The following NCAPD3 variants were observed in gnomAD, a reference collection of about 807,000 sequenced individuals.
The protein encoded by NCAPD3 is condensin-2 complex subunit D3.
Under a neutral mutation model 182.9 loss-of-function variants are expected in NCAPD3, and 105 were observed. The observed-to-expected ratio is 0.57, with a 90% CI of 0.49 to 0.68. The LOEUF (loss-of-function observed/expected upper bound fraction) is 0.68. NCAPD3 is among the 30% of genes least tolerant of loss of function. The pLI is 0.00. For synonymous variants in NCAPD3, 815 were observed against 679.9 expected (o/e 1.20, Z -3.09); for missense variants, 1,944 against 1,837.0 (o/e 1.06, Z -1.07).
intron 1 of NCAPD3, among the ~76,000 whole-genome samples, chr11:134,221,057 G>A (rs1195063222): frequency 1.3e-5 from 2 of 152,158 alleles, no homozygotes; most frequent in African/African-American, 4.8e-5. Flanking sequence ...AAGAAACAGA[G>A]GTTAATCAGA....
At position 134,160,034 on chromosome 11, in the gene NCAPD3, A is replaced by T. The variant is rs2120551699; in HGVS notation, c.3725T>A (p.Phe1242Tyr). 6.2e-7 allele frequency: 1 copy of T among 1,614,158 alleles called. No individual in the cohort carries two copies. The highest frequency in any genetic ancestry group is 1.1e-5 in the South Asian group (1 of 91,084). Residue 1242 changes from phenylalanine to tyrosine, a missense_variant, in exon 29 of 35, where the codon TTT (phenylalanine) becomes TAT (tyrosine). Coordinates refer to ENST00000534548, the MANE Select transcript of NCAPD3 (RefSeq NM_015261.3). ...TGATGCCAGCTGTTTGTCAACTGCA[A>T]AGAAGTCCTTGAGCTCATCTCGGTA... ...QDYRDELKDF[F>Y]AVDKQLASEL...
At chr11:134,167,001 G>A (rs1195167014) in intron 27 of NCAPD3, among the ~76,000 whole-genome samples, 1 of 118,446 alleles carries the variant, frequency 8.4e-6, no homozygotes, top group African/African-American at 3.8e-5. Context: ...GATGAGCTTA[G>A]GGGAGCTGCA....
chr11:134,166,655 ACACT>A (rs1388948023), intron 27 of NCAPD3, among the ~76,000 whole-genome samples: 3 of 79,750 alleles, frequency 3.8e-5, no homozygotes, highest in East Asian at 4.4e-4. Context: ...GGGGAGCAGC[ACACT>A]CACTTGTGAG....
In NCAPD3 at chr11:134,168,972, G is replaced by A. The variant is rs767602750; in HGVS notation, c.3184C>T (p.His1062Tyr). The A allele has an allele frequency of 2.5e-6, 4 of 1,613,930 alleles. No homozygotes were observed. Among genetic ancestry groups the A allele is most frequent in the Non-Finnish European group, 3.4e-6 (4 of 1,179,886 alleles). The change falls in exon 25 of 35, where the codon CAC (histidine) becomes TAC (tyrosine). Residue 1062 changes from histidine (H) to tyrosine (Y), a missense_variant. Coordinates refer to ENST00000534548, the MANE Select transcript of NCAPD3 (RefSeq NM_015261.3). ...TCATGCTTCTCATAGTTATTAAAGT[G>A]AAAAATACATTCAATGAAGTGTTGG... is the stretch of plus-strand genomic sequence containing the variant. The part of the protein sequence containing the change: ...FFQHFIECIF[H>Y]FNNYEKHEKY...
At chr11:134,177,734 TTCGCAGTTA>T in intron 22 of NCAPD3, 1 of 426,270 alleles carries the variant, frequency 2.3e-6, no homozygotes, top group South Asian at 3.5e-5. Context: ...ACATTTGAAT[TTCGCAGTTA>T]TCCCCTTACC....
At chr11:134,156,622 G>A (rs1428280784) in intron 32 of NCAPD3, among the ~76,000 whole-genome samples, 1 of 152,124 alleles carries the variant, frequency 6.6e-6, no homozygotes, top group Admixed American at 6.5e-5. Flanking sequence ...AGCGTGCATG[G>A]TACCTGCTGG....
rs779204174 is a variant in NCAPD3 at position 134,208,872 on chromosome 11, C to T, written c.874G>A (p.Gly292Arg). ...YLLCSPIHGE[G>R]DKVISCVFHQ... ...GTTCTCATCTCCTTTACCTTATCTCCTTCTCCATGAATGGGAGAGCACAGC... is the reference window on the plus strand; with the variant it reads ...GTTCTCATCTCCTTTACCTTATCTCTTTCTCCATGAATGGGAGAGCACAGC... Residue 292 changes from glycine (G) to arginine (R), a missense_variant, in exon 7 of 35, where the codon GGA becomes AGA. Around this residue, in one of 3 missense-constraint regions of NCAPD3, gnomAD observed 1,803 missense variants for 1,674.6 expected, o/e 1.08. Transcript: ENST00000534548. 22 of 1,610,446 alleles carry T rather than the reference C, an allele frequency of 1.4e-5. No homozygotes were observed. The East Asian group carries it at 4.7e-4, about 34-fold the overall frequency.
intron 28 of NCAPD3, among the ~76,000 whole-genome samples, 183 bp downstream of exon 28, chr11:134,161,598 G>A (rs189865027): frequency 1.3e-4 from 20 of 152,370 alleles, no homozygotes; most frequent in African/African-American, 3.8e-4. Flanking sequence ...CCAAGGGAAA[G>A]AGCGGCTTTG....
chr11:134,164,918 G>A (rs150357957), intron 27 of NCAPD3, among the ~76,000 whole-genome samples: 1 of 151,252 alleles, frequency 6.6e-6, no homozygotes, highest in South Asian at 2.1e-4. Context: ...ACACTCACTT[G>A]TGAGATGAGC....
chr11:134,215,150 A>G (rs993215587), intron 3 of NCAPD3, among the ~76,000 whole-genome samples: 2 of 152,360 alleles, frequency 1.3e-5, no homozygotes, highest in South Asian at 4.1e-4. Flanking sequence ...ACAGCCTTTC[A>G]TAATGAAGCA....
At chr11:134,212,190 T>C (rs189239759) in intron 3 of NCAPD3, among the ~76,000 whole-genome samples, 8 of 152,222 alleles carry the variant, frequency 5.3e-5, no homozygotes, top group African/African-American at 1.9e-4. Flanking sequence ...TGTTTAAAAA[T>C]AAAAAGTTCT....
At chr11:134,163,857 G>A (rs113332288) in intron 27 of NCAPD3, among the ~76,000 whole-genome samples, 2,680 of 133,124 alleles carry the variant, frequency 0.02, 59 homozygotes, top group East Asian at 0.091. Flanking sequence ...GGGCGACGCA[G>A]TGAGATTCTG....
intron 3 of NCAPD3, among the ~76,000 whole-genome samples, chr11:134,216,486 C>G (rs1447968003): frequency 6.6e-6 from 1 of 152,214 alleles, no homozygotes; most frequent in Non-Finnish European, 1.5e-5. Flanking sequence ...GGTCAGTGCT[C>G]TCCTTCAAGT....
At chr11:134,165,859 G>GGA (rs1943770003) in intron 27 of NCAPD3, among the ~76,000 whole-genome samples, 1 of 135,876 alleles carries the variant, frequency 7.4e-6, no homozygotes, top group African/African-American at 2.8e-5. Context: ...TGAGCTTAGG[G>GGA]GAGCTGCACA....
At position 134,215,326 on chromosome 11, in the gene NCAPD3, C is replaced by A. The variant is rs189872974; in HGVS notation, c.382+1610G>T. Among the ~76,000 whole-genome samples the A allele has an allele frequency of 2.6e-5, 4 of 152,074 alleles. No individual in the cohort carries two copies. In the East Asian group the frequency reaches 5.8e-4, roughly 22 times the overall value. The stretch of plus-strand genomic sequence containing the variant: ...ACTGTACTGGAGGTTCTAGCCAGGG[C>A]AAATAGGTAAGAAAAATAAATAGAA... On this transcript the variant is annotated intron_variant, in intron 3 of 34. Coordinates refer to ENST00000534548, the MANE Select transcript of NCAPD3 (RefSeq NM_015261.3).
intron 19 of NCAPD3, among the ~76,000 whole-genome samples, chr11:134,182,272 C>T (rs1357412023): frequency 1.3e-5 from 2 of 152,206 alleles, no homozygotes; most frequent in Non-Finnish European, 2.9e-5. Context: ...TGAATACCTC[C>T]AATAACAGGG....
At chr11:134,181,257 C>A in intron 19 of NCAPD3, 73 bp from the exon 20 acceptor site, 1 of 957,414 alleles carries the variant, frequency 1.0e-6, no homozygotes, top group South Asian at 1.4e-5. Context: ...ACCATGTTCT[C>A]AGAAGAAACT....
rs1207245185 is a variant in NCAPD3 at position 134,161,909 on chromosome 11, GAC to G, written c.3574-20_3574-19del. On this transcript the variant is annotated intron_variant, in intron 27 of 34. Coordinates refer to ENST00000534548, the MANE Select transcript of NCAPD3 (RefSeq NM_015261.3). Reference sequence around the variant, plus strand: ...TTCTGAACCTGGTAACACAAACAAAGACATGTTTTAGATGTATGAACTTCTGA... The same window carrying G: ...TTCTGAACCTGGTAACACAAACAAAGATGTTTTAGATGTATGAACTTCTGA... The G allele has an allele frequency of 1.5e-6, 2 of 1,359,432 alleles. No individual in the cohort carries two copies. Among genetic ancestry groups the G allele is most frequent in the African/African-American group, 3.1e-5 (2 of 65,236 alleles). The allele number at this position is 1,359,432 out of a possible 1,614,324, so 84.2% of individuals were successfully genotyped here.
At chr11:134,192,345 A>G (rs1283065400) in intron 16 of NCAPD3, among the ~76,000 whole-genome samples, 3 of 152,228 alleles carry the variant, frequency 2.0e-5, no homozygotes. Context: ...TTTAACTTGC[A>G]GGAGCTAGGA....
Sources: gnomAD v4.1 joint callset for allele counts (sites outside exome capture counted in the v4.1 genomes callset) on GRCh38, gnomAD v4.1.1 for gene constraint, gnomAD v4.1.1 regional missense constraint, MANE v1.5 for transcripts, NCBI Gene and HGNC (gene_info 2026-07-23, HGNC 2026-07-21) for gene names.